CSGALNACT1: variants seen among roughly 807,000 people sequenced by gnomAD.
CSGALNACT1 encodes the protein chondroitin sulfate N-acetylgalactosaminyltransferase 1, also known as beta4GalNAcT-1.
CSGALNACT1 carries 52 observed loss-of-function variants against 51.0 expected under a neutral mutation model. The ratio of observed to expected loss-of-function variants is 1.02; its 90% CI spans 0.82 to 1.29. The LOEUF is 1.29. Among genes scored for constraint, CSGALNACT1 ranks in the 50% most tolerant of loss-of-function variants. The pLI, the probability that CSGALNACT1 is intolerant of heterozygous loss-of-function variation, is 0.00. For missense variants in CSGALNACT1, 935 were observed against 679.2 expected (o/e 1.38, Z -4.19); for synonymous variants, 341 against 254.4 (o/e 1.34, Z -3.24).
At chr8:19,688,852 CA>C (rs1472610493) in intron 1 of CSGALNACT1, 4 of 152,372 alleles carry the variant, frequency 2.6e-5, no homozygotes, top group Non-Finnish European at 4.4e-5. Context: ...CAACCTCCTC[CA>C]CATGCACCAT....
chr8:19,723,914 T>C (rs562382128), intron 1 of CSGALNACT1, among the ~76,000 whole-genome samples: 1 of 152,250 alleles, frequency 6.6e-6, no homozygotes, highest in African/African-American at 2.4e-5. Flanking sequence ...TTTTTAAAGA[T>C]TAGGAAACTT....
intron 1 of CSGALNACT1, among the ~76,000 whole-genome samples, chr8:19,667,667 C>T (rs1484521772): frequency 3.3e-5 from 5 of 151,194 alleles, no homozygotes; most frequent in East Asian, 3.9e-4. Flanking sequence ...CTAAGACTAA[C>T]GTCTCTTCCT....
intron 8 of CSGALNACT1, among the ~76,000 whole-genome samples, chr8:19,412,132 C>T (rs2055902775): frequency 6.6e-6 from 1 of 152,242 alleles, no homozygotes; most frequent in African/African-American, 2.4e-5. Flanking sequence ...CGCACCCAGC[C>T]TGCTATCCTC....
chr8:19,466,635 T>C (rs1286205641), intron 4 of CSGALNACT1, among the ~76,000 whole-genome samples: 1 of 152,218 alleles, frequency 6.6e-6, no homozygotes, highest in African/African-American at 2.4e-5. Flanking sequence ...GTCAGCTGTT[T>C]TTATAGGTAA....
chr8:19,642,177 T>C (rs956943591), intron 1 of CSGALNACT1, among the ~76,000 whole-genome samples: 6 of 152,232 alleles, frequency 3.9e-5, no homozygotes, highest in African/African-American at 1.4e-4. Flanking sequence ...GAGACATCTG[T>C]GTTTCCCTTT....
intron 1 of CSGALNACT1, among the ~76,000 whole-genome samples, chr8:19,617,904 G>C (rs2053255255): frequency 6.6e-6 from 1 of 152,038 alleles, no homozygotes; most frequent in African/African-American, 2.4e-5. Flanking sequence ...TTTAGAGACA[G>C]ATTCTCTCTC....
chr8:19,496,146 T>C (rs191288421), intron 4 of CSGALNACT1, among the ~76,000 whole-genome samples: 123 of 152,338 alleles, frequency 8.1e-4, no homozygotes, highest in African/African-American at 2.8e-3. Flanking sequence ...TAAGATAATA[T>C]GGCATTTGGG....
chr8:19,630,393 C>T (rs2154169306), intron 1 of CSGALNACT1, among the ~76,000 whole-genome samples: 1 of 152,044 alleles, frequency 6.6e-6, no homozygotes, highest in African/African-American at 2.4e-5. Flanking sequence ...ACAGAGTTCC[C>T]ATATATTCCC....
At chr8:19,652,745 C>T (rs1316517889) in intron 1 of CSGALNACT1, among the ~76,000 whole-genome samples, 3 of 152,290 alleles carry the variant, frequency 2.0e-5, no homozygotes, top group Admixed American at 6.5e-5. Context: ...GAATTTTGAC[C>T]CCACCACTCT....
chr8:19,557,231 G>A (rs916269360), intron 3 of CSGALNACT1, among the ~76,000 whole-genome samples: 13 of 152,160 alleles, frequency 8.5e-5, no homozygotes, highest in Admixed American at 2.6e-4. Flanking sequence ...TGGTCTACCC[G>A]GAATCCCTGT....
chr8:19,452,739 A>G (rs1234536123), intron 5 of CSGALNACT1, among the ~76,000 whole-genome samples: 1 of 152,042 alleles, frequency 6.6e-6, no homozygotes. Flanking sequence ...CCATTATGAG[A>G]GCCAAGTATG....
chr8:19,536,870 A>G (rs1311769789), intron 3 of CSGALNACT1, among the ~76,000 whole-genome samples: 1 of 152,222 alleles, frequency 6.6e-6, no homozygotes, highest in African/African-American at 2.4e-5. Context: ...GCTACGTCCA[A>G]CTGCTTTTTC....
chr8:19,420,823 C>T (rs976209906), intron 6 of CSGALNACT1, among the ~76,000 whole-genome samples: 1 of 152,128 alleles, frequency 6.6e-6, no homozygotes, highest in Non-Finnish European at 1.5e-5. Context: ...AAAACTTGAA[C>T]CAGGTAAGAC....
Position 19,426,217 on chromosome 8 carries a change from G to A in CSGALNACT1, c.954-5699C>T, listed in dbSNP as rs1340126550. ...ATCTGTCCTGAGGAGGGTGCTGCAT[G>A]GAGATGCCTCCCTGCCAAAGAAAGC... On this transcript the variant is annotated intron_variant, in intron 6 of 9. Transcript: ENST00000454498. Among the ~76,000 whole-genome samples, 6 of 152,324 alleles carry A rather than the reference G, an allele frequency of 3.9e-5. No individual in the cohort carries two copies. The East Asian group carries it at 5.8e-4, about 15-fold the overall frequency.
chr8:19,409,394 A>G (rs937561207), intron 8 of CSGALNACT1, among the ~76,000 whole-genome samples: 6 of 152,128 alleles, frequency 3.9e-5, no homozygotes, highest in Admixed American at 6.5e-5. Context: ...GGCTGCGGAG[A>G]GGCCATCCAG....
At chr8:19,546,819 T>G (rs539596828) in intron 3 of CSGALNACT1, among the ~76,000 whole-genome samples, 1 of 152,312 alleles carries the variant, frequency 6.6e-6, no homozygotes, top group Non-Finnish European at 1.5e-5. Context: ...AGAGTTTGAA[T>G]CTAGACCAAG....
intron 3 of CSGALNACT1, among the ~76,000 whole-genome samples, chr8:19,515,649 T>G (rs1175739867): frequency 1.3e-5 from 2 of 152,156 alleles, no homozygotes; most frequent in Non-Finnish European, 2.9e-5. Context: ...CACCTGCTAA[T>G]CAGAAAATGA....
chr8:19,704,798 A>C (rs1216689320), intron 1 of CSGALNACT1, among the ~76,000 whole-genome samples: 1 of 152,218 alleles, frequency 6.6e-6, no homozygotes, highest in Non-Finnish European at 1.5e-5. Flanking sequence ...TGTGATAACA[A>C]GGATGAACCT....
At chr8:19,646,082 C>G (rs1046559753) in intron 1 of CSGALNACT1, among the ~76,000 whole-genome samples, 6 of 152,038 alleles carry the variant, frequency 3.9e-5, no homozygotes, top group Admixed American at 3.9e-4. Context: ...TATTGAACGA[C>G]ACTTTAAAAG....
Sources: allele counts gnomAD v4.1 joint callset (sites outside exome capture counted in the v4.1 genomes callset), GRCh38; gene constraint gnomAD v4.1.1; transcripts MANE v1.5; gene names NCBI Gene and HGNC (gene_info 2026-07-23, HGNC 2026-07-21).